BOC: variants seen among roughly 807,000 people sequenced by gnomAD.
BOC encodes brother of CDO.
BOC carries 76 observed loss-of-function variants against 112.0 expected under a neutral mutation model. That is an observed-to-expected ratio of 0.68 (90% CI 0.56 to 0.82). The LOEUF (loss-of-function observed/expected upper bound fraction) is 0.82, where lower values mean the gene tolerates loss of function less well. BOC is among the 40% of genes least tolerant of loss of function. The pLI, the probability that BOC is intolerant of heterozygous loss-of-function variation, is 0.00. For missense variants in BOC, 1,309 were observed against 1,511.7 expected, an observed-to-expected ratio of 0.87 and a Z score of 2.22; for synonymous variants, 580 against 599.8, an observed-to-expected ratio of 0.97 and a Z score of 0.48.
chr3:113,257,221 A>G (rs775609458), intron 4 of BOC, among the ~76,000 whole-genome samples: 6 of 152,240 alleles, frequency 3.9e-5, no homozygotes, highest in Non-Finnish European at 8.8e-5. Context: ...CCACGCTGCC[A>G]GGACAATGGT....
intron 18 of BOC, 104 bp from the exon 19 acceptor site, chr3:113,285,268 C>A (rs1451660930): frequency 2.4e-5 from 28 of 1,151,128 alleles, no homozygotes; most frequent in Non-Finnish European, 3.5e-5. Context: ...TCTGAGCTCT[C>A]ACCAGCTCTG....
intron 2 of BOC, among the ~76,000 whole-genome samples, chr3:113,239,700 A>G (rs932201675): frequency 1.3e-5 from 2 of 152,234 alleles, no homozygotes; most frequent in Non-Finnish European, 2.9e-5. Context: ...GTGAAAGATT[A>G]CTGACCAATG....
intron 2 of BOC, among the ~76,000 whole-genome samples, chr3:113,247,344 A>G (rs1945042629): frequency 1.3e-5 from 2 of 152,112 alleles, no homozygotes; most frequent in Non-Finnish European, 1.5e-5. Flanking sequence ...GGGAAAAGCA[A>G]ATTAGAGAAT....
At chr3:113,234,407 A>G (rs1031711965) in intron 2 of BOC, among the ~76,000 whole-genome samples, 1 of 151,872 alleles carries the variant, frequency 6.6e-6, no homozygotes, top group Non-Finnish European at 1.5e-5. Flanking sequence ...ACCTGTGTAC[A>G]TTTCTTTTAT....
chr3:113,286,080 T>C (rs946255207), intron 19 of BOC, among the ~76,000 whole-genome samples: 4 of 152,170 alleles, frequency 2.6e-5, no homozygotes, highest in Non-Finnish European at 5.9e-5. Context: ...CCATTCACGC[T>C]AAGCCCATCC....
intron 4 of BOC, among the ~76,000 whole-genome samples, chr3:113,264,540 A>G (rs1004486710): frequency 6.6e-6 from 1 of 152,184 alleles, no homozygotes; most frequent in Non-Finnish European, 1.5e-5. Flanking sequence ...TTGCAGACAA[A>G]GGGGCCTGGG....
intron 5 of BOC, among the ~76,000 whole-genome samples, chr3:113,269,228 G>A (rs946535783): frequency 6.6e-6 from 1 of 152,176 alleles, no homozygotes; most frequent in Non-Finnish European, 1.5e-5. Context: ...CATAGTAAAT[G>A]CAGTTATCTC....
At chr3:113,247,443 C>T (rs1945056246) in intron 2 of BOC, among the ~76,000 whole-genome samples, 1 of 148,604 alleles carries the variant, frequency 6.7e-6, no homozygotes, top group Non-Finnish European at 1.5e-5. Context: ...TAAAATGTCC[C>T]ACTGTTCTAC....
At chr3:113,244,675 A>T (rs1280600542) in intron 2 of BOC, among the ~76,000 whole-genome samples, 1 of 152,214 alleles carries the variant, frequency 6.6e-6, no homozygotes, top group Non-Finnish European at 1.5e-5. Flanking sequence ...CAAATATAGA[A>T]TATTTCCATC....
intron 2 of BOC, among the ~76,000 whole-genome samples, chr3:113,241,129 C>A (rs186051966): frequency 6.6e-6 from 1 of 152,342 alleles, no homozygotes; most frequent in East Asian, 1.9e-4. Context: ...GAATTGGCCA[C>A]AGGCCTGATA....
rs1576499443 is a variant in BOC at position 113,279,892 on chromosome 3, C to T, written c.2092C>T (p.Arg698Trp). Residue 698 changes from arginine (R) to tryptophan (W), a missense_variant, in exon 13 of 20, where the codon CGG becomes TGG. Physicochemically the swap from Arg to Trp is moderately radical, Grantham distance 101. Transcript: ENST00000682979. ...LGESEPSAPS[R>W]PYVVSGYSGR... ...GGAGAGCGAGCCCAGCGCCCCCTCT[C>T]GGCCCTACGTGGTGTCGGGCTACAG... 3.1e-6 allele frequency: 5 copies of T among 1,614,008 alleles called. No homozygotes were observed. Among genetic ancestry groups the T allele is most frequent in the Non-Finnish European group, 2.5e-6 (3 of 1,179,954 alleles).
chr3:113,228,303 A>G (rs368694993), intron 2 of BOC, among the ~76,000 whole-genome samples: 1 of 151,288 alleles, frequency 6.6e-6, no homozygotes, highest in Admixed American at 6.6e-5. Flanking sequence ...CATTATTCGA[A>G]TCCTAGGGGA....
intron 9 of BOC, among the ~76,000 whole-genome samples, chr3:113,275,964 C>T (rs982629074): frequency 3.9e-5 from 6 of 152,196 alleles, no homozygotes; most frequent in Admixed American, 1.3e-4. Flanking sequence ...GGGGACGGGG[C>T]GAGCAGTTTC....
Position 113,284,463 on chromosome 3 carries a change from C to G in BOC, c.2785C>G (p.Arg929Gly). The change falls in exon 17 of 20, where the codon CGG (arginine) becomes GGG (glycine). Residue 929 changes from arginine to glycine, a missense_variant. Transcript: ENST00000682979. ...GCCCTACCTCAGTGGCATCAGTGGA[C>G]GGGCCTGTGCTAATGGGATCCACAT... ...GQPYLSGISGRACANGIHMNR... is the reference protein window; with the variant it reads ...GQPYLSGISGGACANGIHMNR... 1 of 1,614,248 alleles carries G rather than the reference C, an allele frequency of 6.2e-7. No individual in the cohort carries two copies. Among genetic ancestry groups the G allele is most frequent in the Non-Finnish European group, 8.5e-7 (1 of 1,180,042 alleles).
At chr3:113,237,693 C>T (rs1559823778) in intron 2 of BOC, among the ~76,000 whole-genome samples, 1 of 152,176 alleles carries the variant, frequency 6.6e-6, no homozygotes. Flanking sequence ...CCCACACTGA[C>T]GTGGGGACCT....
chr3:113,276,111 C>T (rs1357143879), intron 9 of BOC, among the ~76,000 whole-genome samples: 2 of 152,204 alleles, frequency 1.3e-5, no homozygotes, highest in African/African-American at 4.8e-5. Flanking sequence ...TAACTGGACA[C>T]CTCCATCTCA....
chr3:113,254,986 C>T (rs938601434), intron 4 of BOC, among the ~76,000 whole-genome samples: 14 of 152,174 alleles, frequency 9.2e-5, no homozygotes, highest in Non-Finnish European at 1.9e-4. Context: ...CACCTGCACT[C>T]TCTCCCTCCC....
Position 113,286,696 on chromosome 3 carries a change from T to C in BOC, c.3182T>C (p.Leu1061Pro), listed in dbSNP as rs1949732671. The C allele has an allele frequency of 6.2e-7, 1 of 1,600,428 alleles. No homozygotes were observed. The highest frequency in any genetic ancestry group is 8.5e-7 in the Non-Finnish European group (1 of 1,174,476). The change falls in exon 20 of 20, where the codon CTT becomes CCT. Residue 1061 changes from leucine to proline, a missense_variant. Transcript: ENST00000682979. ...FHSGPPCCLGLVPVEEVDSPD... is the reference protein window; with the variant it reads ...FHSGPPCCLGPVPVEEVDSPD... ...TCAGGGCCCCCATGCTGCTTGGGCC[T>C]TGTGCCAGTTGAAGAGGTGGACAGT...
chr3:113,273,156 C>G lies in BOC; in HGVS notation c.1049C>G (p.Pro350Arg). ...AKLTCEVRGN[P>R]PPSVLWLRNA... ...CTTACCTGTGAGGTGCGTGGGAACC[C>G]CCCGCCCTCCGTGCTGTGGCTGAGG... The change falls in exon 8 of 20, where the codon CCC becomes CGC. Residue 350 changes from proline (P) to arginine (R), a missense_variant. Transcript: ENST00000682979. 1 of 1,614,066 alleles carries G rather than the reference C, an allele frequency of 6.2e-7. No homozygotes were observed. The highest frequency in any genetic ancestry group is 2.2e-5 in the East Asian group (1 of 44,866).
Sources: gnomAD v4.1 joint callset for allele counts (sites outside exome capture counted in the v4.1 genomes callset) on GRCh38, gnomAD v4.1.1 for gene constraint, MANE v1.5 for transcripts, NCBI Gene and HGNC (gene_info 2026-07-23, HGNC 2026-07-21) for gene names.